The following SPAG16 variants were observed in gnomAD, a reference collection of about 807,000 sequenced individuals.
SPAG16 encodes sperm-associated antigen 16 protein.
Under a neutral mutation model 80.4 loss-of-function variants are expected in SPAG16, and 86 were observed. The ratio of observed to expected loss-of-function variants is 1.07; its 90% CI spans 0.90 to 1.28. The LOEUF is 1.28. Ranked by LOEUF, SPAG16 falls within the 50% of genes most tolerant of loss-of-function variation. The pLI, the probability that SPAG16 is intolerant of heterozygous loss-of-function variation, is 0.00. For synonymous variants in SPAG16, 294 were observed against 265.9 expected, an observed-to-expected ratio of 1.11 and a Z score of -1.03; for missense variants, 870 against 765.3, an observed-to-expected ratio of 1.14 and a Z score of -1.61.
At chr2:214,070,857 T>G (rs1559757632) in intron 13 of SPAG16, among the ~76,000 whole-genome samples, 2 of 152,092 alleles carry the variant, frequency 1.3e-5, no homozygotes, top group Admixed American at 6.6e-5. Flanking sequence ...AGTTTTCTTT[T>G]TGATCTGTCA....
intron 10 of SPAG16, among the ~76,000 whole-genome samples, chr2:213,680,626 C>A (rs771202593): frequency 7.2e-5 from 11 of 151,968 alleles, no homozygotes; most frequent in Non-Finnish European, 1.5e-4. Context: ...TAGGGAGCTA[C>A]TTACACTTTC....
intron 10 of SPAG16, among the ~76,000 whole-genome samples, chr2:213,511,465 T>C (rs1206444288): frequency 6.6e-6 from 1 of 152,132 alleles, no homozygotes; most frequent in East Asian, 1.9e-4. Context: ...TTTAAATAAA[T>C]TGGTTCTAAA....
chr2:213,329,091 A>G (rs905380404), intron 5 of SPAG16, among the ~76,000 whole-genome samples: 1 of 152,150 alleles, frequency 6.6e-6, no homozygotes, highest in Non-Finnish European at 1.5e-5. Context: ...TGGAACTGTA[A>G]GTCCATTAAA....
chr2:213,690,065 A>G (rs564901266), intron 10 of SPAG16, among the ~76,000 whole-genome samples: 2 of 152,120 alleles, frequency 1.3e-5, no homozygotes, highest in Admixed American at 6.5e-5. Flanking sequence ...TTCTCCTTCA[A>G]TCCATCACAT....
At chr2:213,744,051 GC>G (rs2067703362) in intron 10 of SPAG16, among the ~76,000 whole-genome samples, 1 of 152,116 alleles carries the variant, frequency 6.6e-6, no homozygotes, top group African/African-American at 2.4e-5. Flanking sequence ...AATATTTGAG[GC>G]TAGAATGAAG....
intron 10 of SPAG16, among the ~76,000 whole-genome samples, chr2:213,539,970 T>A (rs935663035): frequency 1.3e-5 from 2 of 151,440 alleles, no homozygotes; most frequent in African/African-American, 4.8e-5. Flanking sequence ...AATTTTTAGA[T>A]AAAGGAAGTG....
chr2:213,980,712 G>GTGTGTATATATATA lies in SPAG16; in HGVS notation c.1401-33238_1401-33237insGTGTATATATATAT, dbSNP rs1469351640. Reference sequence around the variant, plus strand: ...ATAGAATATATGTGTGTGTGTGTGTGTATATATATATATAGAGAGAGAGAG... The same window carrying GTGTGTATATATATA: ...ATAGAATATATGTGTGTGTGTGTGTGTGTGTATATATATATATATATATATATAGAGAGAGAGAG... On this transcript the variant is annotated intron_variant, in intron 12 of 15. Transcript: ENST00000331683. Among the ~76,000 whole-genome samples the GTGTGTATATATATA allele has an allele frequency of 3.3e-4, 38 of 113,992 alleles. 2 individuals carry two copies. Among genetic ancestry groups the GTGTGTATATATATA allele is most frequent in the African/African-American group, 1.3e-3 (33 of 26,076 alleles). 74.8% of individuals were successfully genotyped at this position (113,992 alleles called of 152,430 possible).
At chr2:213,441,142 C>G (rs76768517) in intron 9 of SPAG16, among the ~76,000 whole-genome samples, 3,561 of 152,224 alleles carry the variant, frequency 0.023, 58 homozygotes, top group African/African-American at 0.038. Context: ...TACCTGCATA[C>G]AAGAAATATG....
intron 9 of SPAG16, among the ~76,000 whole-genome samples, chr2:213,460,210 T>C (rs188174826): frequency 1.1e-3 from 163 of 152,350 alleles, no homozygotes; most frequent in Admixed American, 2.0e-3. Context: ...TAAAGATACC[T>C]GCAGTACCAG....
chr2:213,592,456 G>A (rs2060731021), intron 10 of SPAG16, among the ~76,000 whole-genome samples: 18 of 152,140 alleles, frequency 1.2e-4, no homozygotes, highest in Admixed American at 1.2e-3. Context: ...AAGCTTTATA[G>A]TTAGTAAATC....
Position 213,930,164 on chromosome 2 carries a change from A to T in SPAG16, c.1400+19A>T. ...TTAATAGGTAAGAAGTACTTTAAAC[A>T]TTACTAATCCTCTGTGCTGATACAT... On this transcript the variant is annotated intron_variant, in intron 12 of 15. Transcript: ENST00000331683. 2 of 1,602,448 alleles carry T rather than the reference A, an allele frequency of 1.2e-6. No homozygotes were observed. The highest frequency in any genetic ancestry group is 1.7e-6 in the Non-Finnish European group (2 of 1,171,794).
At chr2:213,556,327 A>C (rs1057258877) in intron 10 of SPAG16, among the ~76,000 whole-genome samples, 6 of 150,858 alleles carry the variant, frequency 4.0e-5, no homozygotes, top group East Asian at 1.9e-4. Context: ...AAAAAAAAAA[A>C]CAAGATCTAA....
At chr2:214,231,644 C>A (rs1233067304) in intron 15 of SPAG16, among the ~76,000 whole-genome samples, 1 of 151,944 alleles carries the variant, frequency 6.6e-6, no homozygotes, top group Admixed American at 6.6e-5. Flanking sequence ...ATTGAGCCCC[C>A]AAAAGAAGAA....
chr2:213,552,087 G>A (rs775683490), intron 10 of SPAG16, among the ~76,000 whole-genome samples: 7 of 152,146 alleles, frequency 4.6e-5, no homozygotes, highest in Non-Finnish European at 8.8e-5. Context: ...AATAAGGAAG[G>A]TGTGCAGAGA....
intron 9 of SPAG16, among the ~76,000 whole-genome samples, chr2:213,465,180 G>A (rs899672942): frequency 6.6e-6 from 1 of 152,188 alleles, no homozygotes; most frequent in East Asian, 1.9e-4. Flanking sequence ...CTGTGAGGAA[G>A]TCTGTCTCTT....
chr2:214,195,394 A>G (rs1182788781), intron 15 of SPAG16, among the ~76,000 whole-genome samples: 5 of 151,926 alleles, frequency 3.3e-5, no homozygotes, highest in Non-Finnish European at 4.4e-5. Flanking sequence ...TTCAATTCAC[A>G]TTTTACAAAG....
chr2:213,918,836 AT>A (rs1254006549), intron 11 of SPAG16, among the ~76,000 whole-genome samples: 7 of 151,428 alleles, frequency 4.6e-5, no homozygotes, highest in African/African-American at 1.5e-4. Context: ...GCAGGGATTC[AT>A]TTTTTTTCCT....
intron 12 of SPAG16, among the ~76,000 whole-genome samples, chr2:213,965,041 C>T (rs1877050): frequency 0.73 from 110,984 of 152,110 alleles, 40,733 homozygotes; most frequent in South Asian, 0.86. Context: ...TTAGAAAATA[C>T]AATGCAATGT....
chr2:213,860,868 A>C (rs527409721), intron 10 of SPAG16, among the ~76,000 whole-genome samples: 1 of 152,328 alleles, frequency 6.6e-6, no homozygotes, highest in East Asian at 1.9e-4. Flanking sequence ...GTGAGCCAAC[A>C]TACATCATAC....
Sources: gnomAD v4.1 joint callset for allele counts (sites outside exome capture counted in the v4.1 genomes callset) on GRCh38, gnomAD v4.1.1 for gene constraint, MANE v1.5 for transcripts, NCBI Gene and HGNC (gene_info 2026-07-23, HGNC 2026-07-21) for gene names.